The following HDAC8 variants were observed in gnomAD, a reference collection of about 807,000 sequenced individuals.
The protein encoded by HDAC8 is histone deacetylase 8, also known as histone deacetylase-like 1.
HDAC8 carries 1 observed loss-of-function variant against 32.2 expected under a neutral mutation model. The ratio of observed to expected loss-of-function variants is 0.03; its 90% confidence interval spans 0.01 to 0.15. The LOEUF (loss-of-function observed/expected upper bound fraction) is 0.15, where lower values mean the gene tolerates loss of function less well. Ranked by LOEUF, HDAC8 falls within the 10% of genes least tolerant of loss-of-function variation. The pLI, the probability that HDAC8 is intolerant of heterozygous loss-of-function variation, is 1.00. For missense variants in HDAC8, 117 were observed against 300.0 expected, an observed-to-expected ratio of 0.39 and a Z score of 4.51; for synonymous variants, 108 against 113.9, an observed-to-expected ratio of 0.95 and a Z score of 0.33.
At chrX:72,489,635 A>T (rs905190241) in intron 6 of HDAC8, among the ~76,000 whole-genome samples, 20 of 110,550 alleles carry the variant, frequency 1.8e-4, no homozygotes, top group African/African-American at 6.3e-4. Flanking sequence ...GTTAGACCTA[A>T]AACCATAAAA....
At chrX:72,487,684 C>A (rs2048722943) in intron 7 of HDAC8, among the ~76,000 whole-genome samples, 1 of 100,052 alleles carries the variant, frequency 1.0e-5, no homozygotes, top group African/African-American at 3.8e-5. Flanking sequence ...CTCGAGGAGA[C>A]ACTGTGGACA....
intron 7 of HDAC8, among the ~76,000 whole-genome samples, chrX:72,476,576 T>C (rs1440001396): frequency 6.3e-5 from 7 of 111,387 alleles, no homozygotes; most frequent in Admixed American, 1.9e-4. Context: ...GAATGCTGAA[T>C]TTGGAGTCAG....
intron 4 of HDAC8, among the ~76,000 whole-genome samples, chrX:72,560,371 A>G (rs1225137616): frequency 9.2e-6 from 1 of 108,747 alleles, no homozygotes; most frequent in East Asian, 2.9e-4. Flanking sequence ...CAGCATGCTC[A>G]TTAAGAGTCA....
At chrX:72,460,562 A>G (rs2047840590) in intron 9 of HDAC8, among the ~76,000 whole-genome samples, 1 of 112,059 alleles carries the variant, frequency 8.9e-6, no homozygotes, top group Non-Finnish European at 1.9e-5. Context: ...CCTATTTATG[A>G]GGCCCAGCTT....
intron 9 of HDAC8, among the ~76,000 whole-genome samples, chrX:72,388,536 C>A (rs2045519798): frequency 9.3e-6 from 1 of 108,046 alleles, no homozygotes; most frequent in Non-Finnish European, 1.9e-5. Flanking sequence ...CCTAACTGGC[C>A]TTTCTAGTTC....
intron 7 of HDAC8, among the ~76,000 whole-genome samples, chrX:72,472,107 G>A (rs2048199569): frequency 2.9e-5 from 3 of 102,225 alleles, no homozygotes; most frequent in South Asian, 9.0e-4. Context: ...TCGCTCTGTC[G>A]CCCAGGCTGG....
intron 9 of HDAC8, among the ~76,000 whole-genome samples, chrX:72,373,488 T>C (rs1357210830): frequency 6.2e-5 from 7 of 112,620 alleles, no homozygotes; most frequent in African/African-American, 1.3e-4. Context: ...CTTTTGTGTC[T>C]TTCTTTCACT....
intron 9 of HDAC8, among the ~76,000 whole-genome samples, chrX:72,381,271 A>G (rs73218350): frequency 0.11 from 11,841 of 111,490 alleles, 511 homozygotes; most frequent in Non-Finnish European, 0.12. Context: ...AATATAAAAT[A>G]TAACCCTCTG....
chrX:72,518,800 T>C (rs1569364603), intron 4 of HDAC8, among the ~76,000 whole-genome samples: 1 of 112,199 alleles, frequency 8.9e-6, no homozygotes, highest in Non-Finnish European at 1.9e-5. Context: ...ACTGTCTCTA[T>C]AGTTTTGCCT....
intron 3 of HDAC8, among the ~76,000 whole-genome samples, chrX:72,568,413 A>G (rs1341440051): frequency 1.8e-5 from 2 of 112,008 alleles, no homozygotes; most frequent in Non-Finnish European, 3.8e-5. Context: ...GCAGCTGTTT[A>G]ATGAGGGGTG....
At chrX:72,414,785 A>G (rs2046291486) in intron 9 of HDAC8, among the ~76,000 whole-genome samples, 1 of 111,804 alleles carries the variant, frequency 8.9e-6, no homozygotes, top group Non-Finnish European at 1.9e-5. Context: ...GACCATACAC[A>G]TGATGGATGC....
intron 7 of HDAC8, among the ~76,000 whole-genome samples, chrX:72,468,582 T>G (rs2048083886): frequency 8.9e-6 from 1 of 112,012 alleles, no homozygotes; most frequent in African/African-American, 3.2e-5. Flanking sequence ...GTTCTTATCT[T>G]TCACCTCCCT....
intron 9 of HDAC8, among the ~76,000 whole-genome samples, chrX:72,443,666 G>T (rs1282193255): frequency 9.2e-6 from 1 of 108,114 alleles, no homozygotes; most frequent in East Asian, 2.9e-4. Flanking sequence ...GCTAGCAGAA[G>T]GCAAGAAATA....
At chrX:72,389,879 C>G (rs1252893771) in intron 9 of HDAC8, among the ~76,000 whole-genome samples, 2 of 111,414 alleles carry the variant, frequency 1.8e-5, no homozygotes, top group Non-Finnish European at 3.8e-5. Context: ...GGACCATGAT[C>G]CCAAAGGAGA....
At position 72,360,965 on chromosome X, in the gene HDAC8, C is replaced by T. The variant is rs999555891; in HGVS notation, c.1006-9127G>A. 5.4e-5 allele frequency among the ~76,000 whole-genome samples: 6 copies of T among 111,682 alleles called. No homozygotes were observed. The South Asian group carries it at 1.5e-3, about 28-fold the overall frequency. On this transcript the variant is annotated intron_variant, in intron 9 of 10. Transcript: ENST00000373573. ...CTGGCAGGAAGCAGCACATCAAAAG[C>T]GCTTGTGAGCAGGCAGGAGGATGGG...
At chrX:72,396,869 A>G (rs910156123) in intron 9 of HDAC8, among the ~76,000 whole-genome samples, 1 of 111,714 alleles carries the variant, frequency 9.0e-6, no homozygotes. Flanking sequence ...CAACAACAAT[A>G]ATGTACTGTG....
intron 9 of HDAC8, among the ~76,000 whole-genome samples, chrX:72,365,314 G>A (rs1438389685): frequency 8.9e-6 from 1 of 111,981 alleles, no homozygotes; most frequent in African/African-American, 3.3e-5. Flanking sequence ...GCTGGGGCAG[G>A]ATTCAGTGTG....
chrX:72,512,099 A>C (rs1556022254), intron 4 of HDAC8, among the ~76,000 whole-genome samples: 1 of 112,205 alleles, frequency 8.9e-6, no homozygotes, highest in African/African-American at 3.2e-5. Flanking sequence ...GAGGAGTGTC[A>C]TGCTAAAGGC....
intron 6 of HDAC8, among the ~76,000 whole-genome samples, chrX:72,489,974 T>C (rs1433225207): frequency 1.8e-5 from 2 of 111,790 alleles, no homozygotes; most frequent in Non-Finnish European, 3.8e-5. Context: ...AAAGAAGACA[T>C]TTATGCAGCC....
Sources: allele counts gnomAD v4.1 joint callset (sites outside exome capture counted in the v4.1 genomes callset), GRCh38; gene constraint gnomAD v4.1.1; transcripts MANE v1.5; gene names NCBI Gene and HGNC (gene_info 2026-07-23, HGNC 2026-07-21).